Variants in MAPKAP1 observed in about 807,000 individuals in gnomAD.
MAPKAP1 encodes the protein MAPK associated protein 1.
In MAPKAP1, 20 loss-of-function variants were observed where a neutral mutation model predicts 65.7. The ratio of observed to expected loss-of-function variants is 0.30; its 90% CI spans 0.21 to 0.44. The LOEUF is 0.44. MAPKAP1 is among the 20% of genes least tolerant of loss of function. MAPKAP1 has a pLI of 1.00. For missense variants in MAPKAP1, 423 were observed against 648.0 expected (o/e 0.65, Z 3.77); for synonymous variants, 222 against 244.3 (o/e 0.91, Z 0.85).
At position 125,518,045 on chromosome 9, in the gene MAPKAP1, T is replaced by C. The variant is rs575386825; in HGVS notation, c.959-11628A>G. 3.9e-5 allele frequency among the ~76,000 whole-genome samples: 6 copies of C among 152,336 alleles called. No individual in the cohort carries two copies. In the East Asian group the frequency reaches 7.7e-4, roughly 20 times the overall value. The stretch of plus-strand genomic sequence containing the variant: ...TTGGTGCTTAATAATCGTTGTTAAA[T>C]AGAATGCCTTCCACAAGGTGGCCTT... On this transcript the variant is annotated intron_variant, in intron 7 of 11. Coordinates refer to ENST00000265960, the MANE Select transcript of MAPKAP1 (RefSeq NM_001006617.3).
chr9:125,461,677 T>G (rs1853499331), intron 10 of MAPKAP1, among the ~76,000 whole-genome samples: 1 of 152,176 alleles, frequency 6.6e-6, no homozygotes, highest in South Asian at 2.1e-4. Context: ...ACTGGGGCAT[T>G]AATATGTGAG....
At chr9:125,703,769 C>CAAAA (rs1212274126) in intron 1 of MAPKAP1, among the ~76,000 whole-genome samples, 1 of 61,692 alleles carries the variant, frequency 1.6e-5, no homozygotes, top group Non-Finnish European at 3.4e-5. Context: ...AAGACTGTCT[C>CAAAA]AAAAAAAAAA....
chr9:125,523,470 G>A (rs1390400966), intron 7 of MAPKAP1, among the ~76,000 whole-genome samples: 1 of 152,186 alleles, frequency 6.6e-6, no homozygotes, highest in African/African-American at 2.4e-5. Flanking sequence ...TATGAGGCAG[G>A]AGTCCAGAAA....
intron 9 of MAPKAP1, among the ~76,000 whole-genome samples, chr9:125,469,950 C>T (rs868065609): frequency 3.6e-4 from 55 of 152,162 alleles, no homozygotes; most frequent in African/African-American, 1.2e-3. Flanking sequence ...TGTGTGTGTT[C>T]CCCTTCTTCT....
chr9:125,468,089 C>G lies in MAPKAP1; in HGVS notation c.1228G>C (p.Glu410Gln), dbSNP rs1853748455. ...TTCTGATTCGTAACAGGGTCTATCTCTACTTTGTCTCCAGAGATACCTGTA... is the reference window on the plus strand; with the variant it reads ...TTCTGATTCGTAACAGGGTCTATCTGTACTTTGTCTCCAGAGATACCTGTA... ...VQLGISGDKV[E>Q]IDPVTNQKAS... The change falls in exon 10 of 12, where the codon GAG becomes CAG. Residue 410 changes from glutamate (E) to glutamine (Q), a missense_variant. Physicochemically the swap from Glu to Gln is conservative, Grantham distance 29. Coordinates refer to ENST00000265960, the MANE Select transcript of MAPKAP1 (RefSeq NM_001006617.3). 6.2e-7 allele frequency: 1 copy of G among 1,614,094 alleles called. No individual in the cohort carries two copies.
chr9:125,496,179 C>T (rs1360730180), intron 8 of MAPKAP1, among the ~76,000 whole-genome samples: 1 of 152,164 alleles, frequency 6.6e-6, no homozygotes. Context: ...CTTTATAGTG[C>T]GAACCAGTCC....
intron 3 of MAPKAP1, among the ~76,000 whole-genome samples, chr9:125,664,358 A>T (rs1834276880): frequency 6.6e-6 from 1 of 151,460 alleles, no homozygotes; most frequent in African/African-American, 2.4e-5. Context: ...AAAAAAAATA[A>T]AAAAAAATAA....
intron 4 of MAPKAP1, among the ~76,000 whole-genome samples, chr9:125,587,603 C>T (rs1255775460): frequency 1.3e-5 from 2 of 151,798 alleles, no homozygotes; most frequent in African/African-American, 2.4e-5. Flanking sequence ...AACTTTTGTG[C>T]CTAAAGGATA....
At chr9:125,566,056 A>G (rs1422438632) in intron 5 of MAPKAP1, among the ~76,000 whole-genome samples, 1 of 152,238 alleles carries the variant, frequency 6.6e-6, no homozygotes, top group African/African-American at 2.4e-5. Context: ...ATATACAGTC[A>G]GAAGCTTATT....
chr9:125,635,108 C>T (rs761456436), intron 4 of MAPKAP1, among the ~76,000 whole-genome samples: 7 of 152,158 alleles, frequency 4.6e-5, no homozygotes, highest in Non-Finnish European at 8.8e-5. Context: ...TTCGATGGCA[C>T]GCTATTCTCC....
chr9:125,441,167 T>C (rs1428132065), intron 11 of MAPKAP1, among the ~76,000 whole-genome samples: 1 of 152,168 alleles, frequency 6.6e-6, no homozygotes, highest in Non-Finnish European at 1.5e-5. Flanking sequence ...TATAGGGAGT[T>C]TTCATGGTCA....
intron 10 of MAPKAP1, among the ~76,000 whole-genome samples, chr9:125,459,175 C>G (rs1252570752): frequency 7.1e-6 from 1 of 140,194 alleles, no homozygotes; most frequent in African/African-American, 2.7e-5. Flanking sequence ...ACATCCCAGA[C>G]GGGGCGGCGG....
At chr9:125,444,871 C>T (rs917860186) in intron 10 of MAPKAP1, among the ~76,000 whole-genome samples, 4 of 152,134 alleles carry the variant, frequency 2.6e-5, no homozygotes, top group African/African-American at 4.8e-5. Flanking sequence ...GGAACTGCTG[C>T]TATATGATAA....
rs117026832 is a variant in MAPKAP1 at position 125,442,239 on chromosome 9, A to C, written c.1443+2262T>G. Among the ~76,000 whole-genome samples the C allele has an allele frequency of 1.1e-4, 17 of 152,118 alleles. No individual in the cohort carries two copies. In the East Asian group the frequency reaches 2.5e-3, roughly 22 times the overall value. On this transcript the variant is annotated intron_variant, in intron 11 of 11. Transcript: ENST00000265960. ...GTAAATCAGGCCTAGGGTATGCTACAACTCTTCTGGAGTCTTGTGCATGAC... is the reference window on the plus strand; with the variant it reads ...GTAAATCAGGCCTAGGGTATGCTACCACTCTTCTGGAGTCTTGTGCATGAC...
chr9:125,578,893 C>T (rs908466308), intron 5 of MAPKAP1, among the ~76,000 whole-genome samples: 1 of 152,086 alleles, frequency 6.6e-6, no homozygotes, highest in Admixed American at 6.6e-5. Flanking sequence ...ATATTGAGGT[C>T]CATAACCGAT....
chr9:125,565,946 C>T (rs975304571), intron 5 of MAPKAP1, among the ~76,000 whole-genome samples: 7 of 152,000 alleles, frequency 4.6e-5, no homozygotes, highest in African/African-American at 9.7e-5. Flanking sequence ...GTCTAGGTCA[C>T]GGAACAAAAT....
chr9:125,652,332 T>C (rs1378567926), intron 4 of MAPKAP1: 3 of 973,456 alleles, frequency 3.1e-6, no homozygotes, highest in East Asian at 1.5e-4. Flanking sequence ...TATTAACCAG[T>C]ATGTGTTAAT....
intron 7 of MAPKAP1, among the ~76,000 whole-genome samples, chr9:125,539,009 G>T (rs1830161050): frequency 1.3e-5 from 2 of 152,128 alleles, no homozygotes; most frequent in Admixed American, 1.3e-4. Flanking sequence ...GTACTTGGCG[G>T]AATAATGTTT....
At chr9:125,653,562 T>C (rs1833950829) in intron 4 of MAPKAP1, among the ~76,000 whole-genome samples, 2 of 152,158 alleles carry the variant, frequency 1.3e-5, no homozygotes, top group Admixed American at 1.3e-4. Flanking sequence ...AGATCAGAGT[T>C]CTTCCTGCCA....
Sources: allele counts gnomAD v4.1 joint callset (sites outside exome capture counted in the v4.1 genomes callset), GRCh38; gene constraint gnomAD v4.1.1; transcripts MANE v1.5; gene names NCBI Gene and HGNC (gene_info 2026-07-23, HGNC 2026-07-21).